Variants in SEMA3A observed in about 807,000 individuals in gnomAD.
SEMA3A encodes the protein semaphorin-3A.
A neutral mutation model predicts 97.9 loss-of-function variants in SEMA3A; 29 were observed. That is an observed-to-expected ratio of 0.30 (90% CI 0.22 to 0.40). SEMA3A has a LOEUF of 0.40. Among genes scored for constraint, SEMA3A ranks in the 10% least tolerant of loss-of-function variants. SEMA3A has a pLI of 1.00. For synonymous variants in SEMA3A, 321 were observed against 323.7 expected (o/e 0.99, Z 0.09); for missense variants, 763 against 951.3 (o/e 0.80, Z 2.60).
intron 2 of SEMA3A, among the ~76,000 whole-genome samples, chr7:84,134,331 G>T (rs1296067033): frequency 6.6e-6 from 1 of 152,180 alleles, no homozygotes; most frequent in African/African-American, 2.4e-5. Context: ...ATATGTCAAT[G>T]AATGGGAGTG....
chr7:84,121,093 C>T (rs1795598218), intron 3 of SEMA3A, among the ~76,000 whole-genome samples: 1 of 87,352 alleles, frequency 1.1e-5, no homozygotes, highest in Non-Finnish European at 2.3e-5. Flanking sequence ...CGCATATCTG[C>T]CCTTTGCTCC....
At chr7:84,352,690 A>G (rs1436811174) in intron 2 of SEMA3A, among the ~76,000 whole-genome samples, 1 of 151,900 alleles carries the variant, frequency 6.6e-6, no homozygotes, top group Non-Finnish European at 1.5e-5. Context: ...AGAATGTCTC[A>G]GGTACTTGAT....
chr7:84,460,356 CA>C (rs934666337), intron 1 of SEMA3A, among the ~76,000 whole-genome samples: 3 of 149,446 alleles, frequency 2.0e-5, no homozygotes, highest in African/African-American at 7.4e-5. Context: ...GGCATTTTTC[CA>C]AAAATATAAT....
intron 1 of SEMA3A, among the ~76,000 whole-genome samples, chr7:84,170,032 A>C (rs1797337407): frequency 6.6e-6 from 1 of 151,932 alleles, no homozygotes; most frequent in Admixed American, 6.6e-5. Flanking sequence ...GAAAAATGAA[A>C]AGAAAGGAAA....
intron 3 of SEMA3A, among the ~76,000 whole-genome samples, chr7:84,294,779 C>T (rs765574184): frequency 4.6e-5 from 7 of 151,992 alleles, no homozygotes; most frequent in Non-Finnish European, 1.0e-4. Flanking sequence ...GATCAAGCTG[C>T]GAGTGAAGGA....
intron 1 of SEMA3A, among the ~76,000 whole-genome samples, chr7:84,455,017 T>A (rs1805654269): frequency 1.3e-5 from 2 of 151,992 alleles, no homozygotes; most frequent in South Asian, 4.1e-4. Context: ...TGTAGCTAGG[T>A]CACATTGGTA....
chr7:84,290,903 A>C (rs2115783618), intron 3 of SEMA3A, among the ~76,000 whole-genome samples: 1 of 152,086 alleles, frequency 6.6e-6, no homozygotes, highest in South Asian at 2.1e-4. Flanking sequence ...TTAAAGCATT[A>C]TTTGTCTAAT....
intron 3 of SEMA3A, among the ~76,000 whole-genome samples, chr7:84,305,839 T>C (rs1355401930): frequency 2.6e-5 from 4 of 151,800 alleles, no homozygotes; most frequent in African/African-American, 2.4e-5. Context: ...TCATGAAAAA[T>C]AACATCCAGG....
chr7:84,007,643 C>T, intron 9 of SEMA3A, 146 bp from the exon 10 acceptor site: 1 of 676,844 alleles, frequency 1.5e-6, no homozygotes, highest in Non-Finnish European at 2.1e-6. Flanking sequence ...TTTTTCTAGT[C>T]ACATGTATGC....
At chr7:84,461,045 ATTAT>A (rs1156239126) in intron 1 of SEMA3A, among the ~76,000 whole-genome samples, 7 of 152,326 alleles carry the variant, frequency 4.6e-5, no homozygotes, top group Admixed American at 3.3e-4. Flanking sequence ...TTTCTTTAAA[ATTAT>A]TTATCAGCCC....
At chr7:84,046,235 G>A in intron 6 of SEMA3A, 89 bp downstream of exon 6, 2 of 1,433,830 alleles carry the variant, frequency 1.4e-6, no homozygotes, top group Non-Finnish European at 1.9e-6. Context: ...TAAATTTCAA[G>A]TCATATTGCA....
At chr7:83,997,694 T>G (rs979869694) in intron 12 of SEMA3A, among the ~76,000 whole-genome samples, 1 of 152,136 alleles carries the variant, frequency 6.6e-6, no homozygotes, top group African/African-American at 2.4e-5. Flanking sequence ...CATGCCAGCA[T>G]AGTATTATTA....
At chr7:84,132,231 A>G (rs1584012761) in intron 2 of SEMA3A, among the ~76,000 whole-genome samples, 1 of 152,226 alleles carries the variant, frequency 6.6e-6, no homozygotes, top group Admixed American at 6.5e-5. Flanking sequence ...TATTATTAGT[A>G]GAATGATTTT....
chr7:84,322,147 C>T (rs1351173739), intron 2 of SEMA3A, among the ~76,000 whole-genome samples: 1 of 151,434 alleles, frequency 6.6e-6, no homozygotes, highest in Non-Finnish European at 1.5e-5. Flanking sequence ...GGGGAAACTC[C>T]CCCCATGATT....
chr7:84,391,440 T>C (rs1467077429), intron 1 of SEMA3A, among the ~76,000 whole-genome samples: 2 of 152,088 alleles, frequency 1.3e-5, no homozygotes, highest in Non-Finnish European at 2.9e-5. Context: ...AAGAAGTCTC[T>C]TCCCCAGTAA....
chr7:84,365,459 A>G (rs1365226138), intron 2 of SEMA3A, among the ~76,000 whole-genome samples: 1 of 149,650 alleles, frequency 6.7e-6, no homozygotes, highest in Non-Finnish European at 1.5e-5. Context: ...GCTCATAGGT[A>G]TTGAATGCAG....
chr7:84,211,407 T>C (rs1798622069), intron 3 of SEMA3A, among the ~76,000 whole-genome samples: 1 of 150,876 alleles, frequency 6.6e-6, no homozygotes, highest in Non-Finnish European at 1.5e-5. Context: ...GGTCAGGAGT[T>C]CGAGACCAGC....
At chr7:84,262,618 G>A (rs1001747336) in intron 3 of SEMA3A, among the ~76,000 whole-genome samples, 2 of 152,212 alleles carry the variant, frequency 1.3e-5, no homozygotes, top group African/African-American at 4.8e-5. Context: ...GAGAAGAAGA[G>A]CTAAGGAAAT....
At chr7:83,962,228 A>G in intron 16 of SEMA3A, among the ~76,000 whole-genome samples, 1 of 152,144 alleles carries the variant, frequency 6.6e-6, no homozygotes, top group Admixed American at 6.5e-5. Flanking sequence ...ATGAATTTAT[A>G]ATAAGATTTC....
Sources: allele counts gnomAD v4.1 joint callset (sites outside exome capture counted in the v4.1 genomes callset), GRCh38; gene constraint gnomAD v4.1.1; transcripts MANE v1.5; gene names NCBI Gene and HGNC (gene_info 2026-07-23, HGNC 2026-07-21).